Variants in MYBL2 observed in about 807,000 individuals in gnomAD.
MYBL2 encodes MYB proto-oncogene like 2, also known as myb-related protein B.
A neutral mutation model predicts 79.9 loss-of-function variants in MYBL2; 28 were observed. That is an observed-to-expected ratio of 0.35 (90% CI 0.26 to 0.48). The LOEUF (loss-of-function observed/expected upper bound fraction) is 0.48, where lower values mean the gene tolerates loss of function less well. MYBL2 is among the 20% of genes least tolerant of loss of function. The pLI is 0.99. For synonymous variants in MYBL2, 378 were observed against 361.2 expected (o/e 1.05, Z -0.53); for missense variants, 735 against 893.9 (o/e 0.82, Z 2.27).
intron 2 of MYBL2, 91 bp downstream of exon 2, chr20:43,673,990 G>A: frequency 8.7e-7 from 1 of 1,148,508 alleles, no homozygotes; most frequent in Non-Finnish European, 1.3e-6. Flanking sequence ...CATCAGATGG[G>A]ATGAAGAGGA....
chr20:43,675,603 A>G lies in MYBL2; in HGVS notation c.114+1704A>G, dbSNP rs947109472. On this transcript the variant is annotated intron_variant, in intron 2 of 13. Transcript: ENST00000217026. ...GCTGGGATTACAGGCATGAGCCACT[A>G]CGGTGAGCCGGTTTGATCACTTTTG... Among the ~76,000 whole-genome samples, 2 of 152,030 alleles carry G rather than the reference A, an allele frequency of 1.3e-5. 1 individual carries two copies. The highest frequency in any genetic ancestry group is 4.1e-4 in the South Asian group (2 of 4,822).
chr20:43,715,377 G>A (rs560772132), intron 13 of MYBL2, 94 bp downstream of exon 13: 19 of 1,566,246 alleles, frequency 1.2e-5, no homozygotes, highest in African/African-American at 6.8e-5. Context: ...TGCAGTGCCC[G>A]CCTTCTTAGC....
In MYBL2 at chr20:43,705,203, C is replaced by G. The variant is rs368505986; in HGVS notation, c.1366-16C>G. ...AGGTCATCATTTTGTCTTGTTCCCTCTCTCTTCTTTGGCAGTTTCTGAACT... is the reference window on the plus strand; with the variant it reads ...AGGTCATCATTTTGTCTTGTTCCCTGTCTCTTCTTTGGCAGTTTCTGAACT... On this transcript the variant is annotated splice_polypyrimidine_tract_variant and intron_variant, in intron 8 of 13. Transcript: ENST00000217026. The G allele has an allele frequency of 1.9e-6, 3 of 1,612,932 alleles. No individual in the cohort carries two copies. In the African/African-American group the frequency reaches 4.0e-5, roughly 22 times the overall value.
At chr20:43,673,654 G>A (rs937764051) in intron 1 of MYBL2, 152 bp from the exon 2 acceptor site, 2 of 754,956 alleles carry the variant, frequency 2.6e-6, no homozygotes, top group Non-Finnish European at 4.8e-6. Context: ...AATAAGTGAA[G>A]CAGAAGTGCC....
chr20:43,678,163 T>C (rs1600544085), intron 2 of MYBL2, among the ~76,000 whole-genome samples: 1 of 152,154 alleles, frequency 6.6e-6, no homozygotes, highest in African/African-American at 2.4e-5. Flanking sequence ...ACACAAACAC[T>C]GCGGAAGGCC....
chr20:43,673,943 G>T, intron 2 of MYBL2, 44 bp downstream of exon 2: 1 of 1,500,348 alleles, frequency 6.7e-7, no homozygotes, highest in Non-Finnish European at 9.1e-7. Context: ...GCTGGGGGCT[G>T]TCCAGAGGAA....
rs765387023 is a variant in MYBL2 at position 43,702,827 on chromosome 20, T to A, written c.1289T>A (p.Leu430Gln). 2.8e-5 allele frequency: 45 copies of A among 1,613,770 alleles called. No homozygotes were observed. The highest frequency in any genetic ancestry group is 3.6e-5 in the Non-Finnish European group (43 of 1,179,668). ...CCTGTCACTGAGAATAGCACCAGTC[T>A]GTCCTTCCTGGATTCCTGTAACAGC... ...LSPVTENSTS[L>Q]SFLDSCNSLT... is the part of the protein sequence containing the mutation. Residue 430 changes from leucine (L) to glutamine (Q), a missense_variant, in exon 8 of 14, where the codon CTG (leucine) becomes CAG (glutamine). Physicochemically the swap from Leu to Gln is moderately radical, Grantham distance 113. Around this residue, in one of 5 missense-constraint regions of MYBL2, gnomAD observed 243 missense variants for 327.2 expected, o/e 0.74. Transcript: ENST00000217026.
At chr20:43,708,580 C>T (rs542347086) in intron 9 of MYBL2, among the ~76,000 whole-genome samples, 1 of 152,236 alleles carries the variant, frequency 6.6e-6, no homozygotes, top group African/African-American at 2.4e-5. Context: ...CTACAAGCAC[C>T]ACCATGGCTG....
intron 2 of MYBL2, among the ~76,000 whole-genome samples, chr20:43,681,106 C>T (rs916300506): frequency 2.0e-5 from 3 of 152,126 alleles, no homozygotes; most frequent in African/African-American, 7.2e-5. Context: ...CATGTTATCG[C>T]GTGAATTGGT....
intron 11 of MYBL2, among the ~76,000 whole-genome samples, chr20:43,712,081 A>G (rs1471961473): frequency 1.3e-5 from 2 of 148,356 alleles, no homozygotes; most frequent in African/African-American, 2.5e-5. Flanking sequence ...GTCAAGCTGC[A>G]TGAGCTGGGG....
At chr20:43,692,061 CAGG>C in intron 5 of MYBL2, 93 bp from the exon 6 acceptor site, 1 of 1,166,102 alleles carries the variant, frequency 8.6e-7, no homozygotes, top group Non-Finnish European at 1.2e-6. Context: ...GATTCATTTA[CAGG>C]AGCAGGAACT....
chr20:43,704,602 G>A (rs770200470), intron 8 of MYBL2, among the ~76,000 whole-genome samples: 6 of 152,174 alleles, frequency 3.9e-5, no homozygotes, highest in Non-Finnish European at 5.9e-5. Flanking sequence ...GGGCAGGGAG[G>A]GAAGAGAGCG....
At chr20:43,670,428 A>G (rs1166599139) in intron 1 of MYBL2, among the ~76,000 whole-genome samples, 3 of 152,190 alleles carry the variant, frequency 2.0e-5, no homozygotes, top group Non-Finnish European at 2.9e-5. Flanking sequence ...CCTATTTCTG[A>G]AAATTTTTTT....
chr20:43,712,094 G>C (rs1600566974), intron 11 of MYBL2, among the ~76,000 whole-genome samples: 1 of 151,930 alleles, frequency 6.6e-6, no homozygotes, highest in African/African-American at 2.4e-5. Flanking sequence ...AGCTGGGGGT[G>C]GGGGAGTGGG....
rs181921036 is a variant in MYBL2, at chr20:43,673,695, C to T, written c.21-111C>T. Reference sequence around the variant, plus strand: ...CTTAAAAAGAAGAAAAAGTAAGAGCCTCTCTCCCCCAGACCTTTCCCTAGG... The same window carrying T: ...CTTAAAAAGAAGAAAAAGTAAGAGCTTCTCTCCCCCAGACCTTTCCCTAGG... On this transcript the variant is annotated intron_variant, in intron 1 of 13. Transcript: ENST00000217026. The T allele has an allele frequency of 2.7e-4, 260 of 968,418 alleles. No individual in the cohort carries two copies. In the African/African-American group the frequency reaches 3.7e-3, roughly 14 times the overall value. The allele number at this position is 968,418 out of a possible 1,614,324, so 60.0% of individuals were successfully genotyped here. A position where few individuals can be genotyped will look rare whatever the true frequency, so the allele number is the denominator to read the frequency against.
intron 2 of MYBL2, among the ~76,000 whole-genome samples, chr20:43,674,236 T>C (rs138625042): frequency 5.7e-3 from 318 of 55,892 alleles, no homozygotes; most frequent in South Asian, 0.011. Flanking sequence ...CCCCCACCCT[T>C]TTTTTTTTTT....
chr20:43,703,502 T>TG (rs1247065533), intron 8 of MYBL2, among the ~76,000 whole-genome samples: 3 of 151,818 alleles, frequency 2.0e-5, no homozygotes, highest in Non-Finnish European at 4.4e-5. Flanking sequence ...ATAGAGGTCA[T>TG]GGGGGGCACC....
chr20:43,704,701 T>C (rs1987741843), intron 8 of MYBL2, among the ~76,000 whole-genome samples: 1 of 152,144 alleles, frequency 6.6e-6, no homozygotes, highest in African/African-American at 2.4e-5. Flanking sequence ...TCTCTAAGCG[T>C]TGGTTTTCTT....
intron 9 of MYBL2, among the ~76,000 whole-genome samples, chr20:43,708,870 G>GT (rs1987844608): frequency 1.3e-5 from 2 of 152,306 alleles, no homozygotes; most frequent in African/African-American, 4.8e-5. Context: ...GGTTTGAACT[G>GT]TAAGATGTGT....
Sources: allele counts gnomAD v4.1 joint callset (sites outside exome capture counted in the v4.1 genomes callset), GRCh38; gene constraint gnomAD v4.1.1; regional missense constraint gnomAD v4.1.1; transcripts MANE v1.5; gene names NCBI Gene and HGNC (gene_info 2026-07-23, HGNC 2026-07-21).